Variants in TMC1 observed in about 807,000 individuals in gnomAD.
TMC1 encodes the protein transmembrane channel-like protein 1.
A neutral mutation model predicts 105.8 loss-of-function variants in TMC1; 84 were observed. That is an observed-to-expected ratio of 0.79 (90% CI 0.67 to 0.95). TMC1 has a LOEUF of 0.95. Among genes scored for constraint, TMC1 ranks in the 40% least tolerant of loss-of-function variants. The probability of loss-of-function intolerance (pLI) is 0.00; values close to 1 mark genes in which losing one functional copy is unlikely to be tolerated. For synonymous variants in TMC1, 315 were observed against 311.5 expected, an observed-to-expected ratio of 1.01 and a Z score of -0.12; for missense variants, 817 against 914.1, an observed-to-expected ratio of 0.89 and a Z score of 1.37.
At chr9:72,586,032 C>A (rs933220644) in intron 2 of TMC1, among the ~76,000 whole-genome samples, 5 of 152,176 alleles carry the variant, frequency 3.3e-5, no homozygotes, top group African/African-American at 1.2e-4. Context: ...TCGAATCTCC[C>A]TGGATGTGTG....
Position 72,835,814 on chromosome 9 carries a change from T to G in TMC1, c.2261-137T>G, listed in dbSNP as rs1048195181. On this transcript the variant is annotated intron_variant, in intron 23 of 23. Transcript: ENST00000297784. ...AATATTATGGGAAAGTAGAGCACATTTGGACAATACAGATTTCTGGCCACC... is the reference window on the plus strand; with the variant it reads ...AATATTATGGGAAAGTAGAGCACATGTGGACAATACAGATTTCTGGCCACC... 1.0e-4 allele frequency: 91 copies of G among 885,382 alleles called. No individual in the cohort carries two copies. In the African/African-American group the frequency reaches 1.4e-3, roughly 14 times the overall value. The allele number at this position is 885,382 out of a possible 1,614,324, so 54.8% of individuals were successfully genotyped here.
intron 1 of TMC1, among the ~76,000 whole-genome samples, chr9:72,564,437 T>G (rs986097512): frequency 6.6e-6 from 1 of 152,168 alleles, no homozygotes; most frequent in Non-Finnish European, 1.5e-5. Flanking sequence ...GCTTTTCTCT[T>G]TTTAGGGGAG....
intron 3 of TMC1, among the ~76,000 whole-genome samples, chr9:72,620,289 G>A (rs1825222849): frequency 1.3e-5 from 2 of 151,132 alleles, no homozygotes; most frequent in Admixed American, 1.3e-4. Context: ...TTGCCCAGAC[G>A]GGAGTGCAGT....
chr9:72,608,335 C>T (rs529746925), intron 2 of TMC1, among the ~76,000 whole-genome samples: 1 of 152,172 alleles, frequency 6.6e-6, no homozygotes, highest in African/African-American at 2.4e-5. Context: ...AACGCTGATA[C>T]CACACCTAGA....
chr9:72,568,951 A>G (rs1824217747), intron 1 of TMC1, among the ~76,000 whole-genome samples: 1 of 152,232 alleles, frequency 6.6e-6, no homozygotes, highest in African/African-American at 2.4e-5. Context: ...AACCAACAGC[A>G]TGAACAAGAT....
chr9:72,666,829 C>A (rs1161136778), intron 5 of TMC1, among the ~76,000 whole-genome samples: 1 of 152,106 alleles, frequency 6.6e-6, no homozygotes, highest in South Asian at 2.1e-4. Flanking sequence ...GTGGGAGGAT[C>A]ACTTAGGCCC....
chr9:72,656,990 C>G (rs1222561114), intron 5 of TMC1, among the ~76,000 whole-genome samples: 1 of 152,208 alleles, frequency 6.6e-6, no homozygotes, highest in Non-Finnish European at 1.5e-5. Context: ...CTTGTAAGGT[C>G]TGGACACTGT....
intron 4 of TMC1, among the ~76,000 whole-genome samples, chr9:72,646,536 G>C (rs190406347): frequency 3.5e-4 from 53 of 152,022 alleles, no homozygotes; most frequent in African/African-American, 1.2e-3. Context: ...TTCTTCTTAT[G>C]TTTATGGGCT....
intron 1 of TMC1, among the ~76,000 whole-genome samples, chr9:72,531,007 T>C (rs1190731043): frequency 6.6e-6 from 1 of 151,372 alleles, no homozygotes; most frequent in African/African-American, 2.4e-5. Flanking sequence ...TTATTATTAT[T>C]ATTTGTATTT....
At chr9:72,726,853 C>T (rs573668937) in intron 8 of TMC1, among the ~76,000 whole-genome samples, 11 of 152,316 alleles carry the variant, frequency 7.2e-5, no homozygotes, top group African/African-American at 2.2e-4. Flanking sequence ...TATAAGCACA[C>T]AGGTATTGTG....
chr9:72,618,671 AAC>A (rs772195760), intron 3 of TMC1, among the ~76,000 whole-genome samples: 6 of 152,196 alleles, frequency 3.9e-5, no homozygotes, highest in Non-Finnish European at 7.3e-5. Flanking sequence ...GTTATTTTAA[AAC>A]AGTTATATTT....
intron 6 of TMC1, among the ~76,000 whole-genome samples, chr9:72,693,375 A>G (rs1178410532): frequency 1.3e-5 from 2 of 152,226 alleles, no homozygotes; most frequent in Non-Finnish European, 2.9e-5. Flanking sequence ...ATTTATAGAT[A>G]ATAAATATTG....
intron 1 of TMC1, among the ~76,000 whole-genome samples, chr9:72,524,005 C>T (rs1823360696): frequency 1.3e-5 from 2 of 152,074 alleles, no homozygotes; most frequent in African/African-American, 4.8e-5. Flanking sequence ...CTTCTATTAC[C>T]CTTTGCAGTG....
intron 1 of TMC1, among the ~76,000 whole-genome samples, chr9:72,558,211 G>A: frequency 6.6e-6 from 1 of 150,984 alleles, no homozygotes; most frequent in Non-Finnish European, 1.5e-5. Flanking sequence ...TGAAGACATG[G>A]GAAAATCTAT....
At chr9:72,529,384 G>T (rs532296629) in intron 1 of TMC1, among the ~76,000 whole-genome samples, 4 of 152,126 alleles carry the variant, frequency 2.6e-5, no homozygotes, top group Admixed American at 2.0e-4. Flanking sequence ...GGCTATAGAG[G>T]GCTATGGTTG....
At chr9:72,564,902 A>G (rs1021661148) in intron 1 of TMC1, among the ~76,000 whole-genome samples, 1 of 152,250 alleles carries the variant, frequency 6.6e-6, no homozygotes, top group Non-Finnish European at 1.5e-5. Flanking sequence ...GATTACCTCA[A>G]ATGATTTCTG....
chr9:72,737,582 C>A (rs1034366970), intron 8 of TMC1, among the ~76,000 whole-genome samples: 2 of 152,132 alleles, frequency 1.3e-5, no homozygotes, highest in Non-Finnish European at 2.9e-5. Context: ...GCATCAGAAA[C>A]ATGGGCAAGG....
At chr9:72,575,564 G>A (rs1233971239) in intron 1 of TMC1, among the ~76,000 whole-genome samples, 1 of 152,168 alleles carries the variant, frequency 6.6e-6, no homozygotes, top group African/African-American at 2.4e-5. Context: ...ACAACATTCG[G>A]AGCTTCCCAG....
chr9:72,798,983 C>G (rs1828422873), intron 17 of TMC1, among the ~76,000 whole-genome samples: 1 of 151,924 alleles, frequency 6.6e-6, no homozygotes, highest in Admixed American at 6.6e-5. Flanking sequence ...ATAACCCCAG[C>G]CCAAGACTAG....
Sources: gnomAD v4.1 joint callset for allele counts (sites outside exome capture counted in the v4.1 genomes callset) on GRCh38, gnomAD v4.1.1 for gene constraint, MANE v1.5 for transcripts, NCBI Gene and HGNC (gene_info 2026-07-23, HGNC 2026-07-21) for gene names.